The following ZDHHC7 variants were observed in gnomAD, a reference collection of about 807,000 sequenced individuals.
ZDHHC7 encodes the protein palmitoyltransferase ZDHHC7.
In ZDHHC7, 12 loss-of-function variants were observed where a neutral mutation model predicts 34.1. The ratio of observed to expected loss-of-function variants is 0.35; its 90% confidence interval spans 0.23 to 0.57. The LOEUF (loss-of-function observed/expected upper bound fraction) is 0.57, where lower values mean the gene tolerates loss of function less well. Ranked by LOEUF, ZDHHC7 falls within the 20% of genes least tolerant of loss-of-function variation. The pLI, the probability that ZDHHC7 is intolerant of heterozygous loss-of-function variation, is 0.84. For synonymous variants in ZDHHC7, 185 were observed against 155.4 expected (o/e 1.19, Z -1.42); for missense variants, 388 against 402.7 (o/e 0.96, Z 0.31).
At chr16:85,011,619 G>C (rs1046048272), upstream of ZDHHC7, 1 of 152,270 alleles carries the variant, frequency 6.6e-6, no homozygotes, top group African/African-American at 2.4e-5. Flanking sequence ...GGCGGTTTGA[G>C]GGGACCCGGA....
Position 84,977,135 on chromosome 16 carries a change from A to G in ZDHHC7, c.710T>C (p.Met237Thr), listed in dbSNP as rs773633936. ...TATGGAGTGGATTTGGGTGCCAAAC[A>G]TAACTGCAGTGAAAGTGAAAAACAG... ...GLLFFTFTAV[M>T]FGTQIHSICN... Residue 237 changes from methionine to threonine, a missense_variant, in exon 7 of 8, where the codon ATG becomes ACG. By Grantham distance (81) the Met-to-Thr change is moderately conservative. Coordinates refer to ENST00000313732, the MANE Select transcript of ZDHHC7 (RefSeq NM_017740.3). The G allele has an allele frequency of 1.2e-6, 2 of 1,614,240 alleles. No homozygotes were observed. The highest frequency in any genetic ancestry group is 1.1e-5 in the South Asian group (1 of 91,084).
At chr16:84,981,448 G>T (rs2072366706) in intron 4 of ZDHHC7, among the ~76,000 whole-genome samples, 1 of 152,352 alleles carries the variant, frequency 6.6e-6, no homozygotes, top group South Asian at 2.1e-4. Context: ...AGCCTCTCTG[G>T]CTGGCTGGAA....
chr16:84,996,082 G>A (rs1209001688), intron 1 of ZDHHC7, 75 bp from the exon 2 acceptor site: 1 of 152,172 alleles, frequency 6.6e-6, no homozygotes, highest in Non-Finnish European at 1.5e-5. Flanking sequence ...CTTAGGGTAT[G>A]ATTAATTTTT....
intron 4 of ZDHHC7, among the ~76,000 whole-genome samples, chr16:84,980,909 C>T (rs1224962292): frequency 6.6e-6 from 1 of 152,166 alleles, no homozygotes; most frequent in Non-Finnish European, 1.5e-5. Context: ...CTGGCCAAAC[C>T]ATGAGGATAT....
chr16:84,982,276 T>G (rs1013901276), intron 3 of ZDHHC7, among the ~76,000 whole-genome samples: 1 of 148,302 alleles, frequency 6.7e-6, no homozygotes, highest in South Asian at 2.1e-4. Context: ...ACTCAGGAGG[T>G]AGAGGTTGCA....
Position 84,979,243 on chromosome 16 carries a change from C to T in ZDHHC7, c.483G>A (p.Pro161=), listed in dbSNP as rs375336539. Residue 161 remains proline (P), a synonymous_variant, in exon 5 of 8, where the codon CCG becomes CCA. Coordinates refer to ENST00000313732, the MANE Select transcript of ZDHHC7 (RefSeq NM_017740.3). ...RCIRKMDHHC[P]WVNNCVGEKN... is the part of the protein sequence containing the mutation. ...TTTCTCCTACACAATTGTTCACCCACGGGCAGTGATGATCCATTTTCCGAA... is the reference window on the plus strand; with the variant it reads ...TTTCTCCTACACAATTGTTCACCCATGGGCAGTGATGATCCATTTTCCGAA... 14 of 1,608,122 alleles carry T rather than the reference C, an allele frequency of 8.7e-6. No individual in the cohort carries two copies. Among genetic ancestry groups the T allele is most frequent in the East Asian group, 6.7e-5 (3 of 44,692 alleles).
intron 3 of ZDHHC7, among the ~76,000 whole-genome samples, chr16:84,989,626 C>T (rs994009736): frequency 2.9e-5 from 4 of 138,582 alleles, no homozygotes; most frequent in African/African-American, 8.4e-5. Flanking sequence ...ACCCAGGAGG[C>T]AGAGGTTGCA....
intron 2 of ZDHHC7, among the ~76,000 whole-genome samples, chr16:84,994,621 G>A (rs749483618): frequency 6.6e-6 from 1 of 152,226 alleles, no homozygotes; most frequent in Non-Finnish European, 1.5e-5. Flanking sequence ...AGTGCAGGAT[G>A]CTGCTGTGGC....
chr16:85,013,400 G>A (rs1305766334), upstream of ZDHHC7, among the ~76,000 whole-genome samples: 4 of 151,794 alleles, frequency 2.6e-5, no homozygotes, highest in East Asian at 3.9e-4. Flanking sequence ...CCGCCACCAC[G>A]TCCGGCTAAT....
the ZDHHC7 span, chr16:85,027,624 G>T: frequency 6.6e-6 from 1 of 152,212 alleles, no homozygotes; most frequent in Non-Finnish European, 1.5e-5. Context: ...GCAGGCCTCG[G>T]GCCCCTCAGG....
intron 1 of ZDHHC7, among the ~76,000 whole-genome samples, chr16:85,005,930 A>C (rs1049117942): frequency 6.6e-6 from 1 of 152,198 alleles, no homozygotes; most frequent in African/African-American, 2.4e-5. Context: ...CTTCCCACTT[A>C]CAGCTCTGAT....
chr16:84,979,351 TAAAATC>T, intron 4 of ZDHHC7, 66 bp from the exon 5 acceptor site: 1 of 1,556,746 alleles, frequency 6.4e-7, no homozygotes, highest in South Asian at 1.2e-5. Flanking sequence ...CACAACCAAA[TAAAATC>T]AAAGGTGGAG....
the ZDHHC7 span, among the ~76,000 whole-genome samples, chr16:85,027,277 T>A: frequency 5.3e-5 from 8 of 152,224 alleles, no homozygotes; most frequent in Admixed American, 5.2e-4. Context: ...TTATTATTAT[T>A]TTTTTTAGCT....
chr16:84,975,905 G>A lies in ZDHHC7; in HGVS notation c.*438C>T, dbSNP rs921466403. 10 of 177,852 alleles carry A rather than the reference G, an allele frequency of 5.6e-5. No individual in the cohort carries two copies. Among genetic ancestry groups the A allele is most frequent in the African/African-American group, 2.2e-4 (9 of 41,610 alleles). 11.0% of individuals were successfully genotyped at this position (177,852 alleles called of 1,614,324 possible). ...GACCAAAACGTCTTTCTATGTAAACGCCCTGCTGTGATCCGGGGAGTGCAC... is the reference window on the plus strand; with the variant it reads ...GACCAAAACGTCTTTCTATGTAAACACCCTGCTGTGATCCGGGGAGTGCAC... On this transcript the variant is annotated 3_prime_UTR_variant, in exon 8 of 8. Coordinates refer to ENST00000313732, the MANE Select transcript of ZDHHC7 (RefSeq NM_017740.3).
chr16:85,010,915 ACCTG>A (rs1201949319), intron 1 of ZDHHC7, among the ~76,000 whole-genome samples: 1 of 152,244 alleles, frequency 6.6e-6, no homozygotes, highest in Non-Finnish European at 1.5e-5. Flanking sequence ...TCATTGTAAT[ACCTG>A]CCTATTAAAA....
At chr16:84,979,391 TACA>T (rs766147531) in intron 4 of ZDHHC7, 106 bp from the exon 5 acceptor site, 29 of 1,427,366 alleles carry the variant, frequency 2.0e-5, no homozygotes, top group Non-Finnish European at 2.6e-5. Context: ...TATATTCTAA[TACA>T]ACATGTCAAA....
At chr16:85,012,496 A>G (rs951232921), upstream of ZDHHC7, among the ~76,000 whole-genome samples, 10 of 152,174 alleles carry the variant, frequency 6.6e-5, no homozygotes, top group African/African-American at 2.2e-4. Flanking sequence ...TATATATACA[A>G]TGCTCCACTA....
At position 84,976,399 on chromosome 16, in the gene ZDHHC7, G is replaced by C. The variant is rs2072297841; in HGVS notation, c.871C>G (p.Arg291Gly). ...LLWMNPFVGF[R>G]FRRLPTRPRK... ...GGTCTCGTGGGCAGTCGCCTAAATC[G>C]GAAGCCCACAAAGGGATTCATCCAG... The change falls in exon 8 of 8, where the codon CGA becomes GGA. Residue 291 changes from arginine (R) to glycine (G), a missense_variant. Coordinates refer to ENST00000313732, the MANE Select transcript of ZDHHC7 (RefSeq NM_017740.3). The C allele has an allele frequency of 6.2e-7, 1 of 1,613,930 alleles. No homozygotes were observed.
chr16:85,025,426 G>A, the ZDHHC7 span, among the ~76,000 whole-genome samples: 13 of 150,202 alleles, frequency 8.7e-5, 1 homozygote, highest in African/African-American at 3.0e-4. Context: ...TTTTTGGGGG[G>A]GGGGACTAAG....
Sources: allele counts gnomAD v4.1 joint callset (sites outside exome capture counted in the v4.1 genomes callset), GRCh38; gene constraint gnomAD v4.1.1; transcripts MANE v1.5; gene names NCBI Gene and HGNC (gene_info 2026-07-23, HGNC 2026-07-21).